Variants in NEGR1 observed in about 807,000 individuals in gnomAD.
NEGR1 encodes the protein IgLON family member 4.
Under a neutral mutation model 40.9 loss-of-function variants are expected in NEGR1, and 10 were observed. That is an observed-to-expected ratio of 0.24 (90% CI 0.15 to 0.42). The LOEUF (loss-of-function observed/expected upper bound fraction) is 0.42, where lower values mean the gene tolerates loss of function less well. Ranked by LOEUF, NEGR1 falls within the 10% of genes least tolerant of loss-of-function variation. The probability of loss-of-function intolerance (pLI) is 1.00; values close to 1 mark genes in which losing one functional copy is unlikely to be tolerated. For missense variants in NEGR1, 352 were observed against 438.9 expected (o/e 0.80, Z 1.77); for synonymous variants, 185 against 166.8 (o/e 1.11, Z -0.84).
chr1:71,509,818 C>A (rs1647060891), intron 6 of NEGR1, among the ~76,000 whole-genome samples: 1 of 152,180 alleles, frequency 6.6e-6, no homozygotes, highest in African/African-American at 2.4e-5. Flanking sequence ...CTATTATAAT[C>A]AACAGAGATT....
intron 5 of NEGR1, among the ~76,000 whole-genome samples, chr1:71,603,315 C>A (rs572342176): frequency 9.2e-5 from 14 of 152,220 alleles, no homozygotes; most frequent in Admixed American, 4.6e-4. Flanking sequence ...TGGTAAGAAC[C>A]ACCTTGTGAA....
chr1:72,169,626 G>A (rs1651890267), intron 1 of NEGR1, among the ~76,000 whole-genome samples: 1 of 152,052 alleles, frequency 6.6e-6, no homozygotes, highest in South Asian at 2.1e-4. Flanking sequence ...TTCTCCAATG[G>A]TTCTCTTTAT....
At chr1:71,580,775 C>T (rs1238790727) in intron 6 of NEGR1, among the ~76,000 whole-genome samples, 1 of 152,066 alleles carries the variant, frequency 6.6e-6, no homozygotes, top group Non-Finnish European at 1.5e-5. Context: ...ACTCCTTTAA[C>T]TCCATTTTAC....
chr1:72,227,456 A>T (rs531532154), intron 1 of NEGR1, among the ~76,000 whole-genome samples: 13 of 152,132 alleles, frequency 8.5e-5, no homozygotes, highest in Admixed American at 7.2e-4. Context: ...AAGCAGGGGG[A>T]ACCATTTTGC....
chr1:72,133,624 T>A (rs867489933), intron 1 of NEGR1, among the ~76,000 whole-genome samples: 28 of 152,054 alleles, frequency 1.8e-4, no homozygotes, highest in Admixed American at 2.6e-4. Flanking sequence ...AAAATCAATG[T>A]TTAAATAAGT....
chr1:71,750,539 G>A (rs908932926), intron 3 of NEGR1, among the ~76,000 whole-genome samples: 15 of 152,170 alleles, frequency 9.9e-5, no homozygotes, highest in Non-Finnish European at 1.9e-4. Context: ...GGAGGAGCAA[G>A]TCACATCTTA....
chr1:71,839,353 G>A (rs1171406012), intron 2 of NEGR1, among the ~76,000 whole-genome samples: 2 of 151,572 alleles, frequency 1.3e-5, no homozygotes, highest in African/African-American at 2.4e-5. Flanking sequence ...ACAGGGGTGA[G>A]CCACCACATC....
intron 1 of NEGR1, among the ~76,000 whole-genome samples, chr1:72,158,657 C>T (rs965031860): frequency 6.6e-6 from 1 of 152,172 alleles, no homozygotes; most frequent in African/African-American, 2.4e-5. Flanking sequence ...ACAGAACTGG[C>T]ACAGAGTTAT....
chr1:71,987,116 C>A (rs1296884109), intron 1 of NEGR1, among the ~76,000 whole-genome samples: 1 of 152,056 alleles, frequency 6.6e-6, no homozygotes, highest in East Asian at 1.9e-4. Context: ...AAGTACCTAA[C>A]CCGTCTACTT....
intron 6 of NEGR1, among the ~76,000 whole-genome samples, chr1:71,483,699 AG>A (rs1452174501): frequency 2.0e-5 from 3 of 151,738 alleles, no homozygotes; most frequent in Non-Finnish European, 2.9e-5. Context: ...AGAAAGAAAG[AG>A]CCCCATAATT....
chr1:71,806,076 TAAATACAA>T (rs1422203213), intron 2 of NEGR1, among the ~76,000 whole-genome samples: 3 of 152,094 alleles, frequency 2.0e-5, no homozygotes, highest in African/African-American at 7.2e-5. Context: ...CAGTGGGCAA[TAAATACAA>T]AAATACAAAA....
chr1:72,161,645 TATTA>T (rs1570060572), intron 1 of NEGR1, among the ~76,000 whole-genome samples: 1 of 151,174 alleles, frequency 6.6e-6, no homozygotes, highest in South Asian at 2.1e-4. Flanking sequence ...CTGTTGTTAT[TATTA>T]ATTATTTATT....
chr1:71,979,822 G>A (rs1319693358), intron 1 of NEGR1, among the ~76,000 whole-genome samples: 2 of 151,930 alleles, frequency 1.3e-5, no homozygotes, highest in African/African-American at 4.8e-5. Flanking sequence ...GGGAATGAGG[G>A]GTGGGCTGAA....
chr1:71,991,772 T>C (rs548993934), intron 1 of NEGR1, among the ~76,000 whole-genome samples: 5 of 152,138 alleles, frequency 3.3e-5, no homozygotes, highest in Admixed American at 3.3e-4. Context: ...AATGAATGAA[T>C]GAGTATAGTA....
intron 1 of NEGR1, among the ~76,000 whole-genome samples, chr1:71,995,851 G>A (rs1004012472): frequency 1.3e-5 from 2 of 152,008 alleles, no homozygotes; most frequent in African/African-American, 4.8e-5. Flanking sequence ...GAAATTAATT[G>A]AAGTTTTGTT....
intron 4 of NEGR1, among the ~76,000 whole-genome samples, chr1:71,647,953 G>T (rs2101579492): frequency 6.6e-6 from 1 of 151,942 alleles, no homozygotes; most frequent in African/African-American, 2.4e-5. Context: ...ATCCACAAAA[G>T]CATAAACAGT....
intron 6 of NEGR1, among the ~76,000 whole-genome samples, chr1:71,561,643 T>A (rs1445430046): frequency 6.6e-6 from 1 of 151,708 alleles, no homozygotes; most frequent in Non-Finnish European, 1.5e-5. Context: ...GTTTTTTATA[T>A]CATTGTTTCT....
intron 6 of NEGR1, among the ~76,000 whole-genome samples, chr1:71,539,896 T>A (rs1370591823): frequency 6.6e-6 from 1 of 151,782 alleles, no homozygotes; most frequent in Non-Finnish European, 1.5e-5. Context: ...AACTTTATAC[T>A]TATATTCAAA....
intron 2 of NEGR1, among the ~76,000 whole-genome samples, chr1:71,815,872 A>G (rs1230742641): frequency 6.6e-6 from 1 of 152,064 alleles, no homozygotes; most frequent in Non-Finnish European, 1.5e-5. Flanking sequence ...GCCAGTGATC[A>G]CTGATAAACT....
Sources: gnomAD v4.1 joint callset for allele counts (sites outside exome capture counted in the v4.1 genomes callset) on GRCh38, gnomAD v4.1.1 for gene constraint, MANE v1.5 for transcripts, NCBI Gene and HGNC (gene_info 2026-07-23, HGNC 2026-07-21) for gene names.